Variants in DLG2 observed in about 807,000 individuals in gnomAD.
DLG2 encodes the protein discs large MAGUK scaffold protein 2.
A neutral mutation model predicts 132.5 loss-of-function variants in DLG2; 45 were observed. The observed-to-expected ratio is 0.34, with a 90% CI of 0.27 to 0.44. The LOEUF (loss-of-function observed/expected upper bound fraction) is 0.44, where lower values mean the gene tolerates loss of function less well. Ranked by LOEUF, DLG2 falls within the 20% of genes least tolerant of loss-of-function variation. The pLI is 1.00. For missense variants in DLG2, 1,045 were observed against 1,196.9 expected, an observed-to-expected ratio of 0.87 and a Z score of 1.87; for synonymous variants, 424 against 419.6, an observed-to-expected ratio of 1.01 and a Z score of -0.13.
At chr11:83,805,749 T>A (rs1394503272) in intron 17 of DLG2, among the ~76,000 whole-genome samples, 1 of 152,168 alleles carries the variant, frequency 6.6e-6, no homozygotes, top group African/African-American at 2.4e-5. Flanking sequence ...TAGCCCTATA[T>A]TTAAGCCCTT....
intron 6 of DLG2, chr11:84,890,908 G>C (rs556340474): frequency 6.6e-6 from 1 of 152,202 alleles, no homozygotes; most frequent in Non-Finnish European, 1.5e-5. Flanking sequence ...ACAGAGCAGC[G>C]TGTGTGCTGT....
chr11:85,185,505 C>T (rs1337703663), intron 4 of DLG2, among the ~76,000 whole-genome samples: 2 of 151,938 alleles, frequency 1.3e-5, no homozygotes, highest in African/African-American at 4.8e-5. Flanking sequence ...CAGAACTTTG[C>T]CCATGCTCAT....
chr11:85,234,661 G>A (rs886794702), intron 4 of DLG2, among the ~76,000 whole-genome samples: 8 of 151,960 alleles, frequency 5.3e-5, no homozygotes, highest in Non-Finnish European at 1.2e-4. Context: ...TATGTACTAA[G>A]TGATGATCTC....
chr11:84,877,512 C>CTTTT lies in DLG2; in HGVS notation c.357+234145_357+234148dup, dbSNP rs60339036. ...TCAGAGACTAGGATTGCAACCCCTGCTTTTTTTTTTTTTTTTTTTTTTGCT... is the reference window on the plus strand; with the variant it reads ...TCAGAGACTAGGATTGCAACCCCTGCTTTTTTTTTTTTTTTTTTTTTTTTTTGCT... On this transcript the variant is annotated intron_variant, in intron 6 of 27. Transcript: ENST00000376104. 4.0e-3 allele frequency among the ~76,000 whole-genome samples: 230 copies of CTTTT among 57,402 alleles called. 3 individuals carry two copies. Among genetic ancestry groups the CTTTT allele is most frequent in the East Asian group, 4.9e-3 (8 of 1,634 alleles). The allele number at this position is 57,402 out of a possible 152,430, so 37.7% of individuals were successfully genotyped here.
At chr11:85,550,506 CT>C (rs1165575323) in intron 3 of DLG2, among the ~76,000 whole-genome samples, 5 of 152,236 alleles carry the variant, frequency 3.3e-5, no homozygotes, top group Non-Finnish European at 5.9e-5. Context: ...TTTGATCCCC[CT>C]GGTGCCACTG....
intron 6 of DLG2, among the ~76,000 whole-genome samples, chr11:84,609,199 C>T (rs999010230): frequency 1.3e-5 from 2 of 152,130 alleles, no homozygotes; most frequent in Admixed American, 6.6e-5. Flanking sequence ...ATTCTGATCT[C>T]GAGAGCTAAG....
intron 8 of DLG2, among the ~76,000 whole-genome samples, chr11:84,167,794 G>A (rs1596490857): frequency 1.3e-5 from 2 of 152,094 alleles, no homozygotes; most frequent in East Asian, 3.9e-4. Context: ...AGCCTCCCAA[G>A]TAGCTGAGAT....
intron 7 of DLG2, among the ~76,000 whole-genome samples, chr11:84,501,092 A>T (rs2099203255): frequency 6.6e-6 from 1 of 152,190 alleles, no homozygotes; most frequent in Admixed American, 6.5e-5. Context: ...TGTCAAACAG[A>T]AGGTAGTAAT....
At chr11:84,312,160 A>G (rs192956702) in intron 7 of DLG2, among the ~76,000 whole-genome samples, 60 of 152,284 alleles carry the variant, frequency 3.9e-4, no homozygotes, top group African/African-American at 1.3e-3. Flanking sequence ...GGTGTTATTT[A>G]TATCCTCATT....
chr11:84,033,397 GA>G (rs1209947495), intron 11 of DLG2, among the ~76,000 whole-genome samples: 1 of 152,136 alleles, frequency 6.6e-6, no homozygotes, highest in Admixed American at 6.6e-5. Flanking sequence ...CAAAGAACTA[GA>G]ATTATAAATG....
chr11:83,830,632 T>C (rs2054220966), intron 17 of DLG2, among the ~76,000 whole-genome samples: 1 of 152,244 alleles, frequency 6.6e-6, no homozygotes, highest in African/African-American at 2.4e-5. Flanking sequence ...CAGTGCGGTG[T>C]GCACCAAGAA....
At chr11:85,352,763 C>A (rs1427945245) in intron 3 of DLG2, among the ~76,000 whole-genome samples, 1 of 152,086 alleles carries the variant, frequency 6.6e-6, no homozygotes, top group African/African-American at 2.4e-5. Context: ...ATAAATGGTG[C>A]TGGGAAAACT....
At chr11:85,199,644 GC>G (rs1429795039) in intron 4 of DLG2, among the ~76,000 whole-genome samples, 1 of 152,058 alleles carries the variant, frequency 6.6e-6, no homozygotes, top group Non-Finnish European at 1.5e-5. Context: ...TATGAAGATG[GC>G]TAGTTGACCT....
intron 8 of DLG2, among the ~76,000 whole-genome samples, chr11:84,208,980 T>C (rs1345690323): frequency 6.6e-6 from 1 of 152,196 alleles, no homozygotes; most frequent in Non-Finnish European, 1.5e-5. Flanking sequence ...TATAGACTCA[T>C]ATATGCACCC....
At chr11:84,724,188 G>A (rs937324617) in intron 6 of DLG2, among the ~76,000 whole-genome samples, 11 of 152,160 alleles carry the variant, frequency 7.2e-5, no homozygotes, top group African/African-American at 2.4e-4. Context: ...CTAAGCTTCA[G>A]TTTCCTTTTT....
chr11:83,632,521 G>A (rs1354740707), intron 19 of DLG2: 1 of 152,208 alleles, frequency 6.6e-6, no homozygotes, highest in Non-Finnish European at 1.5e-5. Flanking sequence ...AATACAGGAA[G>A]CTTGTCTTGG....
intron 15 of DLG2, among the ~76,000 whole-genome samples, chr11:83,896,394 C>T (rs997081533): frequency 3.9e-5 from 6 of 152,158 alleles, no homozygotes; most frequent in African/African-American, 7.2e-5. Context: ...AAGCCATCAA[C>T]GCAGCTGAGC....
intron 15 of DLG2, among the ~76,000 whole-genome samples, chr11:83,875,346 A>C (rs1425518541): frequency 6.6e-6 from 1 of 152,134 alleles, no homozygotes; most frequent in Non-Finnish European, 1.5e-5. Flanking sequence ...TATGTCTCTT[A>C]TTTCTCATAA....
Position 84,080,964 on chromosome 11 carries a change from C to T in DLG2, c.749+17959G>A, listed in dbSNP as rs893468979. On this transcript the variant is annotated intron_variant, in intron 10 of 27. Coordinates refer to ENST00000376104, the MANE Select transcript of DLG2 (RefSeq NM_001142699.3). Reference sequence around the variant, plus strand: ...CCGAGATCGCACCATTGCACTCCAACCTGCACGACAAGAGCAAAACTCTGT... The same window carrying T: ...CCGAGATCGCACCATTGCACTCCAATCTGCACGACAAGAGCAAAACTCTGT... 2.0e-5 allele frequency among the ~76,000 whole-genome samples: 3 copies of T among 148,408 alleles called. 1 individual carries two copies. In the South Asian group the frequency reaches 6.4e-4, roughly 32 times the overall value.
Sources: allele counts gnomAD v4.1 joint callset (sites outside exome capture counted in the v4.1 genomes callset), GRCh38; gene constraint gnomAD v4.1.1; transcripts MANE v1.5; gene names NCBI Gene and HGNC (gene_info 2026-07-23, HGNC 2026-07-21).